The following CDH2 variants were observed in gnomAD, a reference collection of about 807,000 sequenced individuals.
CDH2 encodes cadherin-2.
A neutral mutation model predicts 92.0 loss-of-function variants in CDH2; 17 were observed. The ratio of observed to expected loss-of-function variants is 0.18; its 90% confidence interval spans 0.13 to 0.28. CDH2 has a LOEUF of 0.28. CDH2 is among the 10% of genes least tolerant of loss of function. The probability of loss-of-function intolerance (pLI) is 1.00; values close to 1 mark genes in which losing one functional copy is unlikely to be tolerated. For synonymous variants in CDH2, 419 were observed against 415.9 expected, an observed-to-expected ratio of 1.01 and a Z score of -0.09; for missense variants, 862 against 1,133.1, an observed-to-expected ratio of 0.76 and a Z score of 3.44.
chr18:28,171,225 TAA>T (rs56171991), intron 1 of CDH2, among the ~76,000 whole-genome samples: 60 of 130,328 alleles, frequency 4.6e-4, no homozygotes, highest in South Asian at 7.5e-4. Context: ...AGACTGTCTT[TAA>T]AAAAAAAAAA....
intron 9 of CDH2, among the ~76,000 whole-genome samples, chr18:27,992,052 A>G (rs916380262): frequency 1.3e-5 from 2 of 152,172 alleles, no homozygotes; most frequent in African/African-American, 4.8e-5. Context: ...ACATTTCTTA[A>G]CGTCTCGGAA....
At chr18:28,040,015 C>T (rs1298094317) in intron 2 of CDH2, among the ~76,000 whole-genome samples, 1 of 152,158 alleles carries the variant, frequency 6.6e-6, no homozygotes, top group Non-Finnish European at 1.5e-5. Context: ...ACTAACTGAA[C>T]ACAAATAAAA....
intron 2 of CDH2, among the ~76,000 whole-genome samples, chr18:28,086,282 TC>T (rs2014925697): frequency 6.6e-6 from 1 of 152,182 alleles, no homozygotes; most frequent in Non-Finnish European, 1.5e-5. Context: ...TACCCTATAG[TC>T]CTTTCCAACA....
intron 7 of CDH2, among the ~76,000 whole-genome samples, chr18:28,001,398 T>C (rs1467330733): frequency 6.6e-6 from 1 of 152,176 alleles, no homozygotes; most frequent in Non-Finnish European, 1.5e-5. Flanking sequence ...TATCTCACAA[T>C]GACAATGTGA....
intron 2 of CDH2, among the ~76,000 whole-genome samples, chr18:28,121,596 T>C (rs1202199882): frequency 2.6e-5 from 4 of 152,154 alleles, no homozygotes; most frequent in African/African-American, 9.7e-5. Flanking sequence ...ATGTCCTCCC[T>C]GTAGCTACCT....
intron 12 of CDH2, 76 bp downstream of exon 12, chr18:27,985,452 C>A: frequency 2.0e-6 from 2 of 1,012,108 alleles, no homozygotes; most frequent in Non-Finnish European, 3.0e-6. Context: ...TTATGAAGCA[C>A]ATAAAATTAA....
At chr18:27,957,378 T>A (rs910036043) in intron 15 of CDH2, among the ~76,000 whole-genome samples, 7 of 152,050 alleles carry the variant, frequency 4.6e-5, no homozygotes, top group South Asian at 2.1e-4. Flanking sequence ...GCCTCCAGAG[T>A]AGCTAGGACT....
At chr18:28,100,060 G>C (rs535670796) in intron 2 of CDH2, among the ~76,000 whole-genome samples, 36 of 152,184 alleles carry the variant, frequency 2.4e-4, no homozygotes, top group African/African-American at 8.7e-4. Flanking sequence ...TGTTTACAAA[G>C]TACTGTTTGG....
chr18:28,172,992 C>G (rs2016487002), intron 1 of CDH2, among the ~76,000 whole-genome samples: 2 of 152,112 alleles, frequency 1.3e-5, no homozygotes, highest in South Asian at 4.2e-4. Flanking sequence ...TAATGAGGCA[C>G]AACAGATTTA....
intron 2 of CDH2, among the ~76,000 whole-genome samples, chr18:28,085,309 A>G (rs1434935606): frequency 6.6e-6 from 1 of 150,988 alleles, no homozygotes; most frequent in Non-Finnish European, 1.5e-5. Flanking sequence ...ACAAACACAC[A>G]CTCTCTCTAT....
At chr18:28,049,060 C>T (rs1374662528) in intron 2 of CDH2, among the ~76,000 whole-genome samples, 1 of 152,044 alleles carries the variant, frequency 6.6e-6, no homozygotes, top group East Asian at 1.9e-4. Flanking sequence ...AGTTATTGTA[C>T]ATTTGGAGGA....
chr18:28,122,260 T>G (rs1395458484), intron 2 of CDH2, among the ~76,000 whole-genome samples: 1 of 152,158 alleles, frequency 6.6e-6, no homozygotes, highest in Non-Finnish European at 1.5e-5. Context: ...CTTTCAAGGA[T>G]CTACTAATAT....
At chr18:28,104,886 GTAGA>G (rs370702630) in intron 2 of CDH2, among the ~76,000 whole-genome samples, 76 of 151,956 alleles carry the variant, frequency 5.0e-4, no homozygotes, top group East Asian at 4.1e-3. Context: ...AATTTTACTT[GTAGA>G]TAGATAGATA....
intron 2 of CDH2, among the ~76,000 whole-genome samples, chr18:28,018,334 T>G (rs1251799938): frequency 6.6e-6 from 1 of 151,972 alleles, no homozygotes; most frequent in Non-Finnish European, 1.5e-5. Flanking sequence ...ATCTACAAAT[T>G]CAATGCAATT....
At chr18:28,104,692 ATATCTATCTATC>A (rs5823586) in intron 2 of CDH2, among the ~76,000 whole-genome samples, 44 of 148,458 alleles carry the variant, frequency 3.0e-4, no homozygotes, top group Admixed American at 9.4e-4. Flanking sequence ...ATGCAAATAC[ATATCTATCTATC>A]TATCTATCTA....
Position 28,177,057 on chromosome 18 carries a change from A to AGGTGGCGGCGGC in CDH2, c.-36_-35insGCCGCCGCCACC. 1 of 1,302,322 alleles carries AGGTGGCGGCGGC rather than the reference A, an allele frequency of 7.7e-7. No homozygotes were observed. Among genetic ancestry groups the AGGTGGCGGCGGC allele is most frequent in the South Asian group, 1.4e-5 (1 of 73,674 alleles). 80.7% of individuals were successfully genotyped at this position (1,302,322 alleles called of 1,614,324 possible). On this transcript the variant is annotated 5_prime_UTR_variant, in exon 1 of 16. Transcript: ENST00000269141. ...GAGGGGCCGAGCGAAGAGCCGGAGG[A>AGGTGGCGGCGGC]GGCGGCGGCGGCGGCGGCGGCGGCG...
rs202141743 is a variant in CDH2, at chr18:27,984,989, A to C, written c.2209+11T>G. 1 of 1,597,364 alleles carries C rather than the reference A, an allele frequency of 6.3e-7. No homozygotes were observed. Among genetic ancestry groups the C allele is most frequent in the East Asian group, 2.2e-5 (1 of 44,772 alleles). Reference sequence around the variant, plus strand: ...GAGAACTGAAATCTAAAAGACAATAAAAGTACTCACTAAGCAGGATGATGA... The same window carrying C: ...GAGAACTGAAATCTAAAAGACAATACAAGTACTCACTAAGCAGGATGATGA... On this transcript the variant is annotated intron_variant, in intron 13 of 15. Coordinates refer to ENST00000269141, the MANE Select transcript of CDH2 (RefSeq NM_001792.5).
At chr18:28,054,344 T>C (rs2014250968) in intron 2 of CDH2, among the ~76,000 whole-genome samples, 1 of 152,144 alleles carries the variant, frequency 6.6e-6, no homozygotes, top group African/African-American at 2.4e-5. Flanking sequence ...AATTGTTCAC[T>C]TGTAGGGCTC....
intron 1 of CDH2, among the ~76,000 whole-genome samples, chr18:28,170,302 G>A (rs2016445470): frequency 1.3e-5 from 2 of 152,140 alleles, no homozygotes; most frequent in African/African-American, 4.8e-5. Context: ...TCCTCATTCA[G>A]AAGCCTGAAA....
Sources: allele counts gnomAD v4.1 joint callset (sites outside exome capture counted in the v4.1 genomes callset), GRCh38; gene constraint gnomAD v4.1.1; transcripts MANE v1.5; gene names NCBI Gene and HGNC (gene_info 2026-07-23, HGNC 2026-07-21).